Variants in ADGRV1 observed in about 807,000 individuals in gnomAD.
ADGRV1 encodes the protein adhesion G protein-coupled receptor V1, also known as G-protein coupled receptor 98.
In ADGRV1, 359 loss-of-function variants were observed where a neutral mutation model predicts 596.2. The observed-to-expected ratio is 0.60, with a 90% CI of 0.55 to 0.66. ADGRV1 has a LOEUF of 0.66. Ranked by LOEUF, ADGRV1 falls within the 30% of genes least tolerant of loss-of-function variation. The probability of loss-of-function intolerance (pLI) is 0.00; values close to 1 mark genes in which losing one functional copy is unlikely to be tolerated. For missense variants in ADGRV1, 7,274 were observed against 7,575.6 expected, an observed-to-expected ratio of 0.96 and a Z score of 1.48; for synonymous variants, 2,681 against 2,679.2, an observed-to-expected ratio of 1.00 and a Z score of -0.02.
intron 70 of ADGRV1, among the ~76,000 whole-genome samples, chr5:90,801,523 GATTT>G (rs946868708): frequency 6.6e-5 from 10 of 151,334 alleles, no homozygotes; most frequent in African/African-American, 9.7e-5. Context: ...ATTTTTCTGT[GATTT>G]ATTTGTTTTT....
At chr5:91,157,367 A>G (rs1219742207) in intron 89 of ADGRV1, among the ~76,000 whole-genome samples, 1 of 152,158 alleles carries the variant, frequency 6.6e-6, no homozygotes, top group Non-Finnish European at 1.5e-5. Flanking sequence ...CTTTTACATT[A>G]TTGTTTGAAA....
intron 83 of ADGRV1, among the ~76,000 whole-genome samples, chr5:90,920,142 G>A (rs1366258251): frequency 2.0e-5 from 3 of 152,072 alleles, no homozygotes; most frequent in Non-Finnish European, 4.4e-5. Context: ...CTGGAGACTG[G>A]GAAGTTCTAA....
chr5:90,932,934 C>G (rs902120025), intron 83 of ADGRV1, among the ~76,000 whole-genome samples: 1 of 152,162 alleles, frequency 6.6e-6, no homozygotes, highest in Non-Finnish European at 1.5e-5. Flanking sequence ...ACACATTGTG[C>G]TGGTCACATA....
intron 33 of ADGRV1, among the ~76,000 whole-genome samples, chr5:90,695,045 T>C (rs1234836559): frequency 6.6e-6 from 1 of 152,174 alleles, no homozygotes; most frequent in Non-Finnish European, 1.5e-5. Flanking sequence ...TAATGACCCA[T>C]GTACTTACAA....
chr5:90,747,108 G>C (rs1435186598), intron 52 of ADGRV1, among the ~76,000 whole-genome samples: 1 of 152,172 alleles, frequency 6.6e-6, no homozygotes, highest in African/African-American at 2.4e-5. Context: ...AGGATGATCA[G>C]TAAGGGCTGT....
chr5:90,854,389 C>CCA (rs1210995383), intron 81 of ADGRV1, among the ~76,000 whole-genome samples, 188 bp downstream of exon 81: 1 of 152,064 alleles, frequency 6.6e-6, no homozygotes. Context: ...CAAATGCAGC[C>CCA]CAGCATTTCA....
chr5:90,931,763 T>C (rs1040028879), intron 83 of ADGRV1, among the ~76,000 whole-genome samples: 1 of 152,202 alleles, frequency 6.6e-6, no homozygotes, highest in East Asian at 1.9e-4. Flanking sequence ...TGTTTCCTAA[T>C]TGATGAAAAG....
At chr5:90,766,110 T>G (rs563992950) in intron 59 of ADGRV1, among the ~76,000 whole-genome samples, 1 of 151,956 alleles carries the variant, frequency 6.6e-6, no homozygotes, top group East Asian at 1.9e-4. Flanking sequence ...AGGGTTTCAC[T>G]GTGTTAGCCA....
At chr5:90,764,240 C>T (rs1177520022) in intron 59 of ADGRV1, among the ~76,000 whole-genome samples, 1 of 152,192 alleles carries the variant, frequency 6.6e-6, no homozygotes, top group Non-Finnish European at 1.5e-5. Flanking sequence ...CCTCTAGGAG[C>T]TGTTACCAAA....
intron 82 of ADGRV1, among the ~76,000 whole-genome samples, chr5:90,858,266 A>C (rs1404065342): frequency 6.6e-6 from 1 of 152,184 alleles, no homozygotes; most frequent in African/African-American, 2.4e-5. Context: ...AAATATAACA[A>C]AATAATTACA....
At chr5:91,051,497 G>A (rs1051502287) in intron 85 of ADGRV1, among the ~76,000 whole-genome samples, 44 of 145,344 alleles carry the variant, frequency 3.0e-4, no homozygotes, top group Non-Finnish European at 4.9e-4. Context: ...AAGCTATAAT[G>A]TTCAGTAGGT....
chr5:91,013,919 C>T lies in ADGRV1; in HGVS notation c.18152+28397C>T, dbSNP rs371188468. Among the ~76,000 whole-genome samples, 28 of 151,994 alleles carry T rather than the reference C, an allele frequency of 1.8e-4. No individual in the cohort carries two copies. The South Asian group carries it at 3.5e-3, about 19-fold the overall frequency. ...GAAGCAGTCCAGCTTCAATCTTCTG[C>T]GTATGGCTAGACATTTATCCCAGCA... On this transcript the variant is annotated intron_variant, in intron 85 of 89. Coordinates refer to ENST00000405460, the MANE Select transcript of ADGRV1 (RefSeq NM_032119.4).
intron 83 of ADGRV1, among the ~76,000 whole-genome samples, chr5:90,940,241 T>C (rs1294686419): frequency 2.0e-5 from 3 of 152,232 alleles, no homozygotes; most frequent in Non-Finnish European, 2.9e-5. Context: ...AACCAAAATA[T>C]GAGTTGCTTT....
intron 85 of ADGRV1, among the ~76,000 whole-genome samples, chr5:91,008,122 A>G (rs1782432374): frequency 6.6e-6 from 1 of 152,160 alleles, no homozygotes; most frequent in African/African-American, 2.4e-5. Flanking sequence ...ATCTCTCATA[A>G]ATAAATATTA....
In ADGRV1 at chr5:90,694,318, A is replaced by G; in HGVS notation, c.7562A>G (p.Asn2521Ser). 6.2e-7 allele frequency: 1 copy of G among 1,613,992 alleles called. No individual in the cohort carries two copies. The highest frequency in any genetic ancestry group is 8.5e-7 in the Non-Finnish European group (1 of 1,179,872). The change falls in exon 33 of 90, where the codon AAT becomes AGT. Residue 2521 changes from asparagine (N) to serine (S), a missense_variant. Physicochemically the swap from Asn to Ser is conservative, Grantham distance 46 (BLOSUM62 1). Around this residue, in one of 5 missense-constraint regions of ADGRV1, gnomAD observed 3,643 missense variants for 3,809.2 expected, o/e 0.96. Coordinates refer to ENST00000405460, the MANE Select transcript of ADGRV1 (RefSeq NM_032119.4). The part of the protein sequence containing the change: ...AIMQEGDEFA[N>S]LTVSILPDDF... ...ATGCAGGAAGGTGATGAATTCGCAA[A>G]TCTCACAGTGTCTATTCTTCCTGAT...
rs1401013378 is a variant in ADGRV1 at position 90,971,147 on chromosome 5, T to C, written c.17973+5616T>C. Reference sequence around the variant, plus strand: ...GAATGAAATGAAGCAAGAAGAGAAGTTTAGAGAAAAAGAGTAAAAAGAAAC... The same window carrying C: ...GAATGAAATGAAGCAAGAAGAGAAGCTTAGAGAAAAAGAGTAAAAAGAAAC... On this transcript the variant is annotated intron_variant, in intron 84 of 89. Coordinates refer to ENST00000405460, the MANE Select transcript of ADGRV1 (RefSeq NM_032119.4). Among the ~76,000 whole-genome samples, 5 of 151,810 alleles carry C rather than the reference T, an allele frequency of 3.3e-5. No individual in the cohort carries two copies. The East Asian group carries it at 5.8e-4, about 18-fold the overall frequency.
chr5:90,783,012 A>T, intron 65 of ADGRV1, 112 bp from the exon 66 acceptor site: 2 of 792,978 alleles, frequency 2.5e-6, no homozygotes, highest in Non-Finnish European at 4.3e-6. Flanking sequence ...CTATGAAAAC[A>T]TAGAGTGCTT....
chr5:90,666,777 C>G (rs1771490294), intron 21 of ADGRV1, among the ~76,000 whole-genome samples: 3 of 151,678 alleles, frequency 2.0e-5, no homozygotes, highest in South Asian at 4.2e-4. Flanking sequence ...TTTAGCGCTT[C>G]CTTCAGGAGC....
intron 29 of ADGRV1, among the ~76,000 whole-genome samples, chr5:90,686,398 T>C (rs1272433832): frequency 2.6e-5 from 4 of 152,080 alleles, no homozygotes; most frequent in African/African-American, 7.2e-5. Flanking sequence ...CAGAGTGTGA[T>C]GTTCCCCTTT....
Sources: allele counts gnomAD v4.1 joint callset (sites outside exome capture counted in the v4.1 genomes callset), GRCh38; gene constraint gnomAD v4.1.1; regional missense constraint gnomAD v4.1.1; transcripts MANE v1.5; gene names NCBI Gene and HGNC (gene_info 2026-07-23, HGNC 2026-07-21).